The following MCM3AP variants were observed in gnomAD, a reference collection of about 807,000 sequenced individuals.
The protein encoded by MCM3AP is germinal-center associated nuclear protein.
Under a neutral mutation model 184.1 loss-of-function variants are expected in MCM3AP, and 126 were observed. The ratio of observed to expected loss-of-function variants is 0.68; its 90% CI spans 0.59 to 0.79. The LOEUF (loss-of-function observed/expected upper bound fraction) is 0.79. MCM3AP is among the 30% of genes least tolerant of loss of function. MCM3AP has a pLI of 0.00. For missense variants in MCM3AP, 2,496 were observed against 2,479.2 expected (o/e 1.01, Z -0.14); for synonymous variants, 1,002 against 979.3 (o/e 1.02, Z -0.43).
At chr21:46,255,384 G>A (rs992462885) in intron 17 of MCM3AP, among the ~76,000 whole-genome samples, 7 of 152,078 alleles carry the variant, frequency 4.6e-5, no homozygotes, top group Non-Finnish European at 1.0e-4. Flanking sequence ...TAGGGACGCC[G>A]CCGAGAGGCA....
chr21:46,281,114 T>A (rs1035965391), intron 2 of MCM3AP, among the ~76,000 whole-genome samples: 5 of 152,184 alleles, frequency 3.3e-5, no homozygotes, highest in African/African-American at 1.2e-4. Context: ...CCCCTTTTTT[T>A]TAATTAACAA....
intron 2 of MCM3AP, among the ~76,000 whole-genome samples, chr21:46,283,167 C>T (rs1395320715): frequency 2.6e-5 from 4 of 152,264 alleles, no homozygotes; most frequent in South Asian, 2.1e-4. Flanking sequence ...CCTCATGATC[C>T]GCCCACCTTG....
At chr21:46,256,001 T>C (rs903089720) in intron 17 of MCM3AP, among the ~76,000 whole-genome samples, 3 of 152,118 alleles carry the variant, frequency 2.0e-5, no homozygotes, top group Non-Finnish European at 2.9e-5. Flanking sequence ...TGGGGCTAAA[T>C]GAAACCCACA....
At chr21:46,279,727 C>A (rs1046694456) in intron 4 of MCM3AP, among the ~76,000 whole-genome samples, 1 of 152,258 alleles carries the variant, frequency 6.6e-6, no homozygotes, top group Non-Finnish European at 1.5e-5. Context: ...AATCACTGCT[C>A]TCCACCATCT....
At position 46,242,802 on chromosome 21, in the gene MCM3AP, C is replaced by CA; in HGVS notation, c.5425_5426insT (p.Arg1809LeufsTer24). 1 of 1,605,110 alleles carries CA rather than the reference C, an allele frequency of 6.2e-7. No homozygotes were observed. The highest frequency in any genetic ancestry group is 8.5e-7 in the Non-Finnish European group (1 of 1,177,004). ...GAAACATACTGAACATGAACCTCAC[C>CA]GTCCCTCTCTCAGCTGTAGCTCCTT... On this transcript the variant is annotated frameshift_variant and splice_region_variant, in exon 25 of 28. Coordinates refer to ENST00000291688, the MANE Select transcript of MCM3AP (RefSeq NM_003906.5). LOFTEE classifies it high-confidence loss of function.
Position 46,273,260 on chromosome 21 carries a change from C to T in MCM3AP, c.2196+128G>A, listed in dbSNP as rs1238776642. ...AGAGTGCTGGGATTACAGGCCTGAG[C>T]CACTGCACCTGGCCCACAAAAGTAC... On this transcript the variant is annotated intron_variant, in intron 7 of 27. Transcript: ENST00000291688. 3 of 888,566 alleles carry T rather than the reference C, an allele frequency of 3.4e-6. No individual in the cohort carries two copies. In the African/African-American group the frequency reaches 5.0e-5, roughly 15 times the overall value. 55.0% of individuals were successfully genotyped at this position (888,566 alleles called of 1,614,324 possible).
chr21:46,267,240 T>C (rs1313031007), intron 9 of MCM3AP, 98 bp from the exon 10 acceptor site: 4 of 1,189,846 alleles, frequency 3.4e-6, no homozygotes, highest in Non-Finnish European at 3.6e-6. Context: ...GTGGGGCACA[T>C]GGGCTCCTCC....
chr21:46,259,729 G>T lies in MCM3AP; in HGVS notation c.3582-638C>A, dbSNP rs528572141. Among the ~76,000 whole-genome samples the T allele has an allele frequency of 1.5e-4, 23 of 152,006 alleles. No individual in the cohort carries two copies. In the South Asian group the frequency reaches 4.8e-3, roughly 32 times the overall value. On this transcript the variant is annotated intron_variant, in intron 15 of 27. Coordinates refer to ENST00000291688, the MANE Select transcript of MCM3AP (RefSeq NM_003906.5). ...AGATCGAGACTATCCTGGCTAACAC[G>T]GTGAAACCCCGTCTCTACTAAAAAT...
intron 20 of MCM3AP, among the ~76,000 whole-genome samples, chr21:46,247,469 T>G (rs1169836693): frequency 8.0e-5 from 1 of 12,464 alleles, no homozygotes; most frequent in Non-Finnish European, 1.9e-4. Context: ...CCCTGCAATT[T>G]CTGCCTCCTG....
chr21:46,263,317 G>A (rs984010182), intron 13 of MCM3AP, among the ~76,000 whole-genome samples: 8 of 151,566 alleles, frequency 5.3e-5, no homozygotes, highest in African/African-American at 9.7e-5. Flanking sequence ...GCGACAGAGC[G>A]AGACTCCGTC....
intron 13 of MCM3AP, among the ~76,000 whole-genome samples, chr21:46,263,353 C>CA (rs1208922394): frequency 2.6e-5 from 4 of 151,394 alleles, no homozygotes; most frequent in Non-Finnish European, 4.4e-5. Context: ...AACAAACAAA[C>CA]AAAAAAACAA....
intron 16 of MCM3AP, among the ~76,000 whole-genome samples, chr21:46,257,696 G>A (rs1473091199): frequency 2.0e-5 from 3 of 151,650 alleles, no homozygotes; most frequent in East Asian, 3.9e-4. Context: ...CGAGGCGGGC[G>A]GATCACGAGG....
chr21:46,276,177 G>C (rs1014707565), intron 5 of MCM3AP, among the ~76,000 whole-genome samples: 1 of 151,848 alleles, frequency 6.6e-6, no homozygotes, highest in Non-Finnish European at 1.5e-5. Context: ...ACTTGAACCC[G>C]GGAGGCGGAC....
chr21:46,240,843 G>A lies in MCM3AP; in HGVS notation c.5601C>T (p.Ser1867=). ...AEELLAQCLS[S]SLLLEKEENK... is the part of the protein sequence containing the mutation. The stretch of plus-strand genomic sequence containing the variant: ...TCTCTTCTTTCTCCAGCAGCAGACT[G>A]CTCGACAAACACTGCGCCAAGAGCT... The change falls in exon 26 of 28, where the codon AGC becomes AGT. Residue 1867 remains serine (S), a synonymous_variant. Coordinates refer to ENST00000291688, the MANE Select transcript of MCM3AP (RefSeq NM_003906.5). 4.3e-6 allele frequency: 7 copies of A among 1,614,186 alleles called. No homozygotes were observed. The highest frequency in any genetic ancestry group is 5.9e-6 in the Non-Finnish European group (7 of 1,180,036).
rs749895963 is a variant in MCM3AP at position 46,284,859 on chromosome 21, T to C, written c.428A>G (p.Glu143Gly). The C allele has an allele frequency of 4.3e-6, 7 of 1,614,160 alleles. No homozygotes were observed. Among genetic ancestry groups the C allele is most frequent in the Non-Finnish European group, 5.9e-6 (7 of 1,180,040 alleles). Residue 143 changes from glutamate to glycine, a missense_variant, in exon 1 of 28, where the codon GAA (glutamate) becomes GGA (glycine). Glu to Gly is a moderately conservative substitution (Grantham distance 98). This residue lies in a region of MCM3AP where 800 missense variants were observed against 717.1 expected (regional missense o/e 1.12). Coordinates refer to ENST00000291688, the MANE Select transcript of MCM3AP (RefSeq NM_003906.5). ...ATTTTCCAGAGGTTTAAAGCTGAATTCTGTTTTCCCAAAACCAGAGTTCAC... is the reference window on the plus strand; with the variant it reads ...ATTTTCCAGAGGTTTAAAGCTGAATCCTGTTTTCCCAAAACCAGAGTTCAC... ...EIVNSGFGKT[E>G]FSFKPLENAV...
At position 46,265,312 on chromosome 21, in the gene MCM3AP, A is replaced by G. The variant is rs768472368; in HGVS notation, c.3234+9T>C. On this transcript the variant is annotated intron_variant, in intron 12 of 27. Transcript: ENST00000291688. ...CCAGAGTCCAGACCTAGAAAAAAAG[A>G]GTCCCTACCTCGTCAGAGTACATGG... 2 of 1,613,258 alleles carry G rather than the reference A, an allele frequency of 1.2e-6. No homozygotes were observed. Among genetic ancestry groups the G allele is most frequent in the Non-Finnish European group, 1.7e-6 (2 of 1,179,586 alleles).
intron 24 of MCM3AP, 25 bp from the exon 25 acceptor site, chr21:46,242,956 T>G: frequency 6.9e-7 from 1 of 1,451,984 alleles, no homozygotes; most frequent in Non-Finnish European, 9.1e-7. Flanking sequence ...CAAAAACAGA[T>G]AAAGAGGCCA....
intron 20 of MCM3AP, chr21:46,247,370 C>G (rs923533437): frequency 6.6e-6 from 1 of 152,216 alleles, no homozygotes; most frequent in African/African-American, 2.4e-5. Context: ...AAGGCATGTT[C>G]ATATTTTATT....
At position 46,259,053 on chromosome 21, in the gene MCM3AP, C is replaced by G; in HGVS notation, c.3620G>C (p.Arg1207Pro). Reference protein sequence around the residue: ...VETDQRVRVARCCEDVCAHLV... With the variant: ...VETDQRVRVAPCCEDVCAHLV... ...GTGGGCACAGACATCCTCACAGCAA[C>G]GGGCCACACGGACCCTCTGGTCTGT... The change falls in exon 16 of 28, where the codon CGT (arginine) becomes CCT (proline). Residue 1207 changes from arginine to proline, a missense_variant. Transcript: ENST00000291688. 1 of 1,614,014 alleles carries G rather than the reference C, an allele frequency of 6.2e-7. No homozygotes were observed.
Sources: gnomAD v4.1 joint callset for allele counts (sites outside exome capture counted in the v4.1 genomes callset) on GRCh38, gnomAD v4.1.1 for gene constraint, gnomAD v4.1.1 regional missense constraint, MANE v1.5 for transcripts, NCBI Gene and HGNC (gene_info 2026-07-23, HGNC 2026-07-21) for gene names.